The following PRDM10 variants were observed in gnomAD, a reference collection of about 807,000 sequenced individuals.
The protein encoded by PRDM10 is PR/SET domain 10.
A neutral mutation model predicts 133.1 loss-of-function variants in PRDM10; 65 were observed. The observed-to-expected ratio is 0.49, with a 90% CI of 0.40 to 0.60. PRDM10 has a LOEUF of 0.60. Among genes scored for constraint, PRDM10 ranks in the 20% least tolerant of loss-of-function variants. PRDM10 has a pLI of 0.00. For synonymous variants in PRDM10, 582 were observed against 580.4 expected, an observed-to-expected ratio of 1.00 and a Z score of -0.04; for missense variants, 1,137 against 1,507.1, an observed-to-expected ratio of 0.75 and a Z score of 4.07.
chr11:129,971,252 G>C (rs746219150), intron 1 of PRDM10, among the ~76,000 whole-genome samples: 3 of 152,176 alleles, frequency 2.0e-5, no homozygotes, highest in African/African-American at 4.8e-5. Flanking sequence ...AAGGGGACCC[G>C]AGCGAGTTGC....
rs1951470942 is a variant in PRDM10 at position 129,947,870 on chromosome 11, C to G, written c.295-500G>C. 1 of 366,754 alleles carries G rather than the reference C, an allele frequency of 2.7e-6. No individual in the cohort carries two copies. Among genetic ancestry groups the G allele is most frequent in the South Asian group, 2.1e-5 (1 of 48,558 alleles). The allele number at this position is 366,754 out of a possible 1,614,324, so 22.7% of individuals were successfully genotyped here. ...CATCAGTTTCCACATCTGAACTAAA[C>G]CTGGGGTGGGGGTCCCTCTTGCCTT... is the stretch of plus-strand genomic sequence containing the variant. On this transcript the variant is annotated intron_variant, in intron 4 of 20. Coordinates refer to ENST00000360871, the MANE Select transcript of PRDM10 (RefSeq NM_199437.2). This position sits in a 1 kb window ranked among gnomAD's most constrained non-coding sequence, Gnocchi z 4.6.
At chr11:129,981,324 C>G (rs768007637) in intron 1 of PRDM10, among the ~76,000 whole-genome samples, 28 of 152,154 alleles carry the variant, frequency 1.8e-4, no homozygotes, top group Non-Finnish European at 3.4e-4. Flanking sequence ...TACCCTCTCT[C>G]CCACCCCAAC....
At chr11:129,906,471 A>G (rs1230336185) in intron 19 of PRDM10, among the ~76,000 whole-genome samples, 1 of 152,202 alleles carries the variant, frequency 6.6e-6, no homozygotes, top group Non-Finnish European at 1.5e-5. Context: ...CCAGGGGTCC[A>G]TAACCACCAT....
At chr11:129,906,888 G>C (rs1296113918) in intron 19 of PRDM10, among the ~76,000 whole-genome samples, 1 of 151,638 alleles carries the variant, frequency 6.6e-6, no homozygotes, top group Non-Finnish European at 1.5e-5. Context: ...TGAGGCAGGA[G>C]AATCACTTGA....
chr11:129,907,824 T>TCA (rs1032947905), intron 19 of PRDM10, among the ~76,000 whole-genome samples: 1 of 152,126 alleles, frequency 6.6e-6, no homozygotes, highest in African/African-American at 2.4e-5. Context: ...GCACAGGGGC[T>TCA]CACGCCTGTC....
chr11:129,980,072 C>T (rs1036927910), intron 1 of PRDM10, among the ~76,000 whole-genome samples: 2 of 152,214 alleles, frequency 1.3e-5, no homozygotes, highest in Non-Finnish European at 2.9e-5. Context: ...ATGCTGAGAT[C>T]AGAGCCCTCA....
intron 1 of PRDM10, among the ~76,000 whole-genome samples, chr11:129,984,511 C>A (rs925874939): frequency 6.6e-6 from 1 of 152,120 alleles, no homozygotes; most frequent in Non-Finnish European, 1.5e-5. Context: ...CCCCTCCCTG[C>A]CTCGGCCTCG....
Position 129,947,126 on chromosome 11 carries a change from G to A in PRDM10, c.520+19C>T, listed in dbSNP as rs758161752. The A allele has an allele frequency of 5.0e-6, 8 of 1,612,198 alleles. No homozygotes were observed. The highest frequency in any genetic ancestry group is 1.6e-4 in the Middle Eastern group (1 of 6,072). On this transcript the variant is annotated intron_variant, in intron 5 of 20. Transcript: ENST00000360871. This position sits in a 1 kb window ranked among gnomAD's most constrained non-coding sequence, Gnocchi z 4.6. ...AGATGGACACAGCTTCCCTGGGGGA[G>A]ACCCGTGCCCACACTTACACAAGTC...
intron 1 of PRDM10, among the ~76,000 whole-genome samples, chr11:130,000,334 C>G (rs955780201): frequency 1.3e-5 from 2 of 152,140 alleles, no homozygotes; most frequent in Non-Finnish European, 2.9e-5. Context: ...TGAGCCACAG[C>G]GCCCGGCTTA....
rs114062502 is a variant in PRDM10, at chr11:129,955,952, G to A, written c.235-381C>T. Among the ~76,000 whole-genome samples the A allele has an allele frequency of 6.8e-3, 1,038 of 152,296 alleles. 13 individuals are homozygous for A. The highest frequency in any genetic ancestry group is 0.024 in the African/African-American group (987 of 41,546). ...ACACTGCTCACGGGAGTAGACTTGTGATGAAATGAAAATGGATGGAGATAG... is the reference window on the plus strand; with the variant it reads ...ACACTGCTCACGGGAGTAGACTTGTAATGAAATGAAAATGGATGGAGATAG... On this transcript the variant is annotated intron_variant, in intron 3 of 20. Transcript: ENST00000360871.
chr11:129,981,412 C>G (rs1253937219), intron 1 of PRDM10, among the ~76,000 whole-genome samples: 1 of 152,154 alleles, frequency 6.6e-6, no homozygotes, highest in Non-Finnish European at 1.5e-5. Context: ...ACACAACACA[C>G]ATAAACTAGC....
chr11:129,903,743 G>A (rs1949920380), intron 20 of PRDM10, among the ~76,000 whole-genome samples: 1 of 152,094 alleles, frequency 6.6e-6, no homozygotes, highest in South Asian at 2.1e-4. Context: ...GATGTTCTGA[G>A]TTCACCCCCA....
rs554084735 is a variant in PRDM10, at chr11:130,001,193, T to TA, written c.-119+1528_-119+1529insT. On this transcript the variant is annotated intron_variant, in intron 1 of 20. Transcript: ENST00000360871. ...GCTTTGCCCCCAACCAATCCTAATT[T>TA]TAAAAAAAAATCTTGTTTTCTCTAT... Among the ~76,000 whole-genome samples the TA allele has an allele frequency of 3.6e-3, 538 of 150,654 alleles. 2 individuals carry two copies. Among genetic ancestry groups the TA allele is most frequent in the Middle Eastern group, 0.017 (5 of 290 alleles).
intron 4 of PRDM10, among the ~76,000 whole-genome samples, chr11:129,953,373 A>G (rs895973464): frequency 2.0e-4 from 30 of 151,028 alleles, no homozygotes; most frequent in African/African-American, 7.1e-4. Flanking sequence ...GGCTCACTGC[A>G]ACCTCCAACT....
chr11:129,951,109 G>A (rs1332525445), intron 4 of PRDM10, among the ~76,000 whole-genome samples: 2 of 152,234 alleles, frequency 1.3e-5, no homozygotes, highest in African/African-American at 4.8e-5. Flanking sequence ...GATAAGAACT[G>A]TACACTTCTA....
At chr11:129,951,665 A>G (rs1462522086) in intron 4 of PRDM10, among the ~76,000 whole-genome samples, 3 of 152,120 alleles carry the variant, frequency 2.0e-5, no homozygotes, top group African/African-American at 7.2e-5. Context: ...TGAAACATGA[A>G]ACGACCACGC....
intron 11 of PRDM10, among the ~76,000 whole-genome samples, chr11:129,927,262 T>C (rs1044559504): frequency 8.0e-5 from 12 of 150,722 alleles, no homozygotes; most frequent in African/African-American, 2.7e-4. Context: ...TTCACTTCTG[T>C]GTAGTTCAGT....
chr11:129,954,266 AT>A (rs869088706), intron 4 of PRDM10, among the ~76,000 whole-genome samples: 5,899 of 95,990 alleles, frequency 0.061, 134 homozygotes, highest in Middle Eastern at 0.11. Context: ...TAATTTATTT[AT>A]TTTTTTTTTT....
chr11:129,914,560 G>C, intron 17 of PRDM10, 144 bp downstream of exon 17: 1 of 1,116,378 alleles, frequency 9.0e-7, no homozygotes, highest in Non-Finnish European at 1.3e-6. Context: ...CAGCCTGAAA[G>C]GGGAAGGGGC....
Sources: gnomAD v4.1 joint callset for allele counts (sites outside exome capture counted in the v4.1 genomes callset) on GRCh38, gnomAD v4.1.1 for gene constraint, Gnocchi (gnomAD v3.1) non-coding constraint, MANE v1.5 for transcripts, NCBI Gene and HGNC (gene_info 2026-07-23, HGNC 2026-07-21) for gene names.